Variants in TMEM132D observed in about 807,000 individuals in gnomAD.
The protein encoded by TMEM132D is mature OL transmembrane protein.
TMEM132D carries 21 observed loss-of-function variants against 62.3 expected under a neutral mutation model. The observed-to-expected ratio is 0.34, with a 90% CI of 0.24 to 0.49. The LOEUF is 0.49. Ranked by LOEUF, TMEM132D falls within the 20% of genes least tolerant of loss-of-function variation. The probability of loss-of-function intolerance (pLI) is 0.99; values close to 1 mark genes in which losing one functional copy is unlikely to be tolerated. For synonymous variants in TMEM132D, 621 were observed against 575.6 expected, an observed-to-expected ratio of 1.08 and a Z score of -1.13; for missense variants, 1,346 against 1,402.8, an observed-to-expected ratio of 0.96 and a Z score of 0.65.
intron 2 of TMEM132D, among the ~76,000 whole-genome samples, chr12:129,633,216 A>G (rs574876819): frequency 4.6e-5 from 7 of 152,332 alleles, no homozygotes; most frequent in Non-Finnish European, 8.8e-5. Flanking sequence ...TTTTTCTCCA[A>G]TGTTTCATAA....
intron 3 of TMEM132D, among the ~76,000 whole-genome samples, chr12:129,341,844 A>G (rs1271538062): frequency 6.6e-6 from 1 of 152,106 alleles, no homozygotes; most frequent in African/African-American, 2.4e-5. Flanking sequence ...AAGAGAATAA[A>G]ATACCTAGGA....
At chr12:129,769,196 A>G (rs937623310) in intron 1 of TMEM132D, among the ~76,000 whole-genome samples, 6 of 152,176 alleles carry the variant, frequency 3.9e-5, no homozygotes, top group Non-Finnish European at 8.8e-5. Context: ...CTGTTCTCAA[A>G]CTGCTAATAA....
intron 4 of TMEM132D, among the ~76,000 whole-genome samples, chr12:129,226,517 C>T (rs1879484928): frequency 6.6e-6 from 1 of 152,216 alleles, no homozygotes; most frequent in East Asian, 1.9e-4. Context: ...CGGTTCTAAC[C>T]CGGGGCCTTG....
intron 5 of TMEM132D, among the ~76,000 whole-genome samples, chr12:129,185,557 TTTA>T (rs1238073808): frequency 6.6e-6 from 1 of 151,640 alleles, no homozygotes; most frequent in Non-Finnish European, 1.5e-5. Context: ...TTATTTTAAT[TTTA>T]TTATTTTTAT....
intron 3 of TMEM132D, among the ~76,000 whole-genome samples, chr12:129,492,663 T>A (rs916806793): frequency 1.3e-5 from 2 of 152,212 alleles, no homozygotes; most frequent in African/African-American, 4.8e-5. Context: ...GTAATGCTCC[T>A]GGTTGAGTTT....
intron 1 of TMEM132D, among the ~76,000 whole-genome samples, chr12:129,755,036 G>A (rs928520239): frequency 6.6e-6 from 1 of 152,124 alleles, no homozygotes; most frequent in Non-Finnish European, 1.5e-5. Flanking sequence ...TCCTTTCAAT[G>A]TTATTGTTTC....
At chr12:129,604,380 AT>A (rs1306784098) in intron 2 of TMEM132D, among the ~76,000 whole-genome samples, 1 of 152,146 alleles carries the variant, frequency 6.6e-6, no homozygotes, top group Non-Finnish European at 1.5e-5. Context: ...CAGTTTATTT[AT>A]TTATTTACCT....
chr12:129,209,900 G>T (rs148715453), intron 4 of TMEM132D: 2 of 532,972 alleles, frequency 3.8e-6, no homozygotes, highest in Non-Finnish European at 6.6e-6. Context: ...GGACAGAAAA[G>T]GTGGCGGAGG....
intron 1 of TMEM132D, among the ~76,000 whole-genome samples, chr12:129,849,393 T>G (rs1002613430): frequency 2.5e-4 from 38 of 152,206 alleles, no homozygotes; most frequent in African/African-American, 9.2e-4. Context: ...TCTCCCCGCT[T>G]AGTTTGAGTC....
At chr12:129,214,781 G>A (rs1879155971) in intron 4 of TMEM132D, among the ~76,000 whole-genome samples, 1 of 152,122 alleles carries the variant, frequency 6.6e-6, no homozygotes, top group Middle Eastern at 3.2e-3. Context: ...AGTCAGAATA[G>A]CTATTATTAA....
intron 1 of TMEM132D, among the ~76,000 whole-genome samples, chr12:129,874,927 T>C (rs566502100): frequency 1.3e-5 from 2 of 152,334 alleles, no homozygotes; most frequent in East Asian, 1.9e-4. Flanking sequence ...TCTGCTCACC[T>C]CGGCCTCCCA....
intron 2 of TMEM132D, among the ~76,000 whole-genome samples, chr12:129,622,526 T>C (rs1416100422): frequency 6.6e-6 from 1 of 152,180 alleles, no homozygotes; most frequent in Non-Finnish European, 1.5e-5. Flanking sequence ...CTAACTTCTC[T>C]ACATATAGAA....
At chr12:129,757,679 C>T (rs1490273236) in intron 1 of TMEM132D, among the ~76,000 whole-genome samples, 1 of 152,262 alleles carries the variant, frequency 6.6e-6, no homozygotes, top group African/African-American at 2.4e-5. Context: ...GCAGCCACCT[C>T]CAAAAGGGTT....
At chr12:129,078,954 AG>A (rs1315053914) in intron 7 of TMEM132D, among the ~76,000 whole-genome samples, 1 of 152,228 alleles carries the variant, frequency 6.6e-6, no homozygotes, top group Non-Finnish European at 1.5e-5. Context: ...GTGGGCAGGT[AG>A]GGCTTGGCCC....
At chr12:129,084,869 T>C in intron 5 of TMEM132D, 167 bp from the exon 6 acceptor site, 1 of 613,562 alleles carries the variant, frequency 1.6e-6, no homozygotes, top group Non-Finnish European at 2.8e-6. Flanking sequence ...GGGTGTTGCT[T>C]TTGAGTAATA....
chr12:129,661,496 C>T (rs186302469), intron 2 of TMEM132D, among the ~76,000 whole-genome samples: 1 of 152,306 alleles, frequency 6.6e-6, no homozygotes, highest in Non-Finnish European at 1.5e-5. Flanking sequence ...CCTGCAGCCC[C>T]ATCAGAAAGG....
At chr12:129,628,229 A>C (rs1315143084) in intron 2 of TMEM132D, among the ~76,000 whole-genome samples, 1 of 152,172 alleles carries the variant, frequency 6.6e-6, no homozygotes, top group African/African-American at 2.4e-5. Flanking sequence ...ATGACTTTAG[A>C]ATGTGTACTT....
chr12:129,877,422 A>G (rs1473923621), intron 1 of TMEM132D, among the ~76,000 whole-genome samples: 1 of 152,154 alleles, frequency 6.6e-6, no homozygotes, highest in Admixed American at 6.5e-5. Flanking sequence ...GCTGGCTAGC[A>G]GAAGGAAGCA....
chr12:129,797,417 C>T (rs73429400), intron 1 of TMEM132D, among the ~76,000 whole-genome samples: 2 of 152,140 alleles, frequency 1.3e-5, no homozygotes, highest in African/African-American at 4.8e-5. Context: ...TGCACAGGAA[C>T]ACCCAGAGCA....
Sources: allele counts gnomAD v4.1 joint callset (sites outside exome capture counted in the v4.1 genomes callset), GRCh38; gene constraint gnomAD v4.1.1; transcripts MANE v1.5; gene names NCBI Gene and HGNC (gene_info 2026-07-23, HGNC 2026-07-21).